The following NUP210L variants were observed in gnomAD, a reference collection of about 807,000 sequenced individuals.
NUP210L encodes nuclear pore membrane glycoprotein 210-like.
A neutral mutation model predicts 208.5 loss-of-function variants in NUP210L; 74 were observed. The ratio of observed to expected loss-of-function variants is 0.35; its 90% CI spans 0.29 to 0.43. The LOEUF is 0.43. Ranked by LOEUF, NUP210L falls within the 20% of genes least tolerant of loss-of-function variation. The pLI is 1.00. For synonymous variants in NUP210L, 780 were observed against 816.9 expected (o/e 0.95, Z 0.77); for missense variants, 1,843 against 2,289.4 (o/e 0.81, Z 3.98).
exon 15 of NUP210L, chr1:154,094,941 C>T (rs1397262475): frequency 1.9e-5 from 31 of 1,612,634 alleles, no homozygotes; most frequent in Non-Finnish European, 2.5e-5. Flanking sequence ...CTACTTGTTC[C>T]CCTAAATCCA....
intron 27 of NUP210L, among the ~76,000 whole-genome samples, chr1:154,042,389 C>T (rs772645521): frequency 2.6e-5 from 4 of 151,692 alleles, no homozygotes; most frequent in Non-Finnish European, 4.4e-5. Context: ...AGCTGTGAGC[C>T]GCCGCACCCA....
At chr1:154,087,247 G>A (rs1655672466) in intron 16 of NUP210L, among the ~76,000 whole-genome samples, 2 of 151,526 alleles carry the variant, frequency 1.3e-5, no homozygotes, top group Admixed American at 6.6e-5. Flanking sequence ...TTGAACCCGG[G>A]GGCTGGAGGT....
At chr1:154,014,965 C>T (rs1485526254) in intron 33 of NUP210L, among the ~76,000 whole-genome samples, 1 of 152,164 alleles carries the variant, frequency 6.6e-6, no homozygotes, top group Non-Finnish European at 1.5e-5. Context: ...GATTGTGCCA[C>T]TGCACTCCAG....
intron 37 of NUP210L, chr1:153,995,987 T>C (rs1022216307): frequency 6.9e-5 from 27 of 391,116 alleles, no homozygotes; most frequent in African/African-American, 5.5e-4. Flanking sequence ...GTAATAAAAA[T>C]GAGGAGACTT....
exon 13 of NUP210L, chr1:154,104,110 T>C (rs762442432): frequency 6.2e-7 from 1 of 1,614,088 alleles, no homozygotes; most frequent in Non-Finnish European, 8.5e-7. Flanking sequence ...GGTCTCTTTA[T>C]TTATGTGATA....
intron 16 of NUP210L, among the ~76,000 whole-genome samples, chr1:154,072,457 C>T (rs201110422): frequency 6.5e-4 from 99 of 151,484 alleles, no homozygotes; most frequent in Admixed American, 1.1e-3. Context: ...TTCAGCCTCC[C>T]GAGTAGCTGG....
rs145559568 is a variant in NUP210L, at chr1:154,087,382, C to T, written c.2361+2039G>A. On this transcript the variant is annotated intron_variant, in intron 16 of 39. Coordinates refer to ENST00000368559, the Ensembl canonical transcript of NUP210L. ...CAGTGGAAAATACAAATCAAAACCA[C>T]AATGAGATACCACTTTATACCCACT... Among the ~76,000 whole-genome samples the T allele has an allele frequency of 4.5e-3, 672 of 147,764 alleles. 4 individuals carry two copies. The highest frequency in any genetic ancestry group is 0.016 in the African/African-American group (634 of 40,196).
intron 29 of NUP210L, among the ~76,000 whole-genome samples, chr1:154,026,127 C>G (rs935699589): frequency 6.6e-6 from 1 of 151,528 alleles, no homozygotes; most frequent in Non-Finnish European, 1.5e-5. Flanking sequence ...CCCAGCTTCT[C>G]GGGAGGCTGA....
intron 12 of NUP210L, among the ~76,000 whole-genome samples, chr1:154,116,410 T>G (rs1657336573): frequency 3.1e-5 from 4 of 130,362 alleles, no homozygotes; most frequent in African/African-American, 5.9e-5. Flanking sequence ...GGCAACAGAG[T>G]GAGACTCCAT....
intron 25 of NUP210L, among the ~76,000 whole-genome samples, chr1:154,048,641 C>G (rs1009302625): frequency 2.6e-5 from 4 of 152,172 alleles, no homozygotes; most frequent in African/African-American, 4.8e-5. Context: ...CAATGTCTGT[C>G]CCCCACCACA....
chr1:154,074,331 T>C (rs895831963), intron 16 of NUP210L, among the ~76,000 whole-genome samples: 1 of 152,154 alleles, frequency 6.6e-6, no homozygotes, highest in African/African-American at 2.4e-5. Flanking sequence ...ATTCATTTTA[T>C]ATAAGCTGGT....
intron 13 of NUP210L, 75 bp downstream of exon 13, chr1:154,103,937 A>C (rs1656614039): frequency 1.2e-5 from 14 of 1,142,914 alleles, no homozygotes; most frequent in Non-Finnish European, 1.6e-5. Context: ...CAAAGAAAGT[A>C]ATCTGTCACA....
rs1184384023 is a variant in NUP210L at position 154,143,705 on chromosome 1, GA to G, written c.341-129del. 22 of 689,430 alleles carry G rather than the reference GA, an allele frequency of 3.2e-5. No individual in the cohort carries two copies. In the Admixed American group the frequency reaches 7.1e-4, roughly 22 times the overall value. The allele number at this position is 689,430 out of a possible 1,614,324, so 42.7% of individuals were successfully genotyped here. On this transcript the variant is annotated intron_variant, in intron 2 of 39. Coordinates refer to ENST00000368559, the Ensembl canonical transcript of NUP210L. ...ACTATGACTGCTGCTTTTACCTATG[GA>G]AGAAAATAGCATAATAATAAGATAT...
At chr1:153,996,026 C>T (rs1227697820) in intron 37 of NUP210L, 5 of 369,314 alleles carry the variant, frequency 1.4e-5, no homozygotes, top group African/African-American at 2.1e-5. Context: ...GGCGTGGTGG[C>T]TCACACCTGT....
chr1:154,006,711 T>G (rs1302981645), intron 35 of NUP210L, among the ~76,000 whole-genome samples: 1 of 150,298 alleles, frequency 6.7e-6, no homozygotes, highest in Non-Finnish European at 1.5e-5. Context: ...GCCAGGCTGG[T>G]CTCGAACTCC....
At position 154,022,208 on chromosome 1, in the gene NUP210L, T is replaced by C. The variant is rs190395941; in HGVS notation, c.4434A>G (p.Val1478=). 1,218 of 1,614,190 alleles carry C rather than the reference T, an allele frequency of 7.5e-4. 2 individuals carry two copies. Among genetic ancestry groups the C allele is most frequent in the Non-Finnish European group, 6.3e-4 (745 of 1,180,022 alleles). The stretch of plus-strand genomic sequence containing the variant: ...TGGTGTCTGGCTCAATGGCATGCTC[T>C]ACAGCAACAGGAATATAATCTGCCA... Residue 1478 remains valine (V), a synonymous_variant, in exon 32 of 40, where the codon GTA becomes GTG. Transcript: ENST00000368559.
chr1:154,001,784 A>T lies in NUP210L; in HGVS notation c.5132T>A (p.Ile1711Asn), dbSNP rs762266052. ...CACTCCCAGTACTCTTATCTCCCCG[A>T]TATCTTGTTTGTGGCTAAGAACCAA... The change falls in exon 36 of 40, where the codon ATC (isoleucine) becomes AAC (asparagine). Residue 1711 changes from isoleucine to asparagine, a missense_variant. This residue lies in a region of NUP210L where 781 missense variants were observed against 973.8 expected (regional missense o/e 0.80). Coordinates refer to ENST00000368559, the Ensembl canonical transcript of NUP210L. 3 of 1,613,930 alleles carry T rather than the reference A, an allele frequency of 1.9e-6. No individual in the cohort carries two copies. In the Admixed American group the frequency reaches 5.0e-5, roughly 27 times the overall value.
rs749755796 is a variant in NUP210L at position 154,060,645 on chromosome 1, T to C, written c.2749-4A>G. On this transcript the variant is annotated splice_region_variant and splice_polypyrimidine_tract_variant and intron_variant, in intron 19 of 39. Transcript: ENST00000368559. ...CTTCCACAAGGCTAAATGTTTCCTATGGAAAAATCAGACAAACAATATTCT... is the reference window on the plus strand; with the variant it reads ...CTTCCACAAGGCTAAATGTTTCCTACGGAAAAATCAGACAAACAATATTCT... The C allele has an allele frequency of 9.4e-6, 15 of 1,593,216 alleles. No homozygotes were observed. Among genetic ancestry groups the C allele is most frequent in the Admixed American group, 5.0e-5 (3 of 59,464 alleles).
At chr1:154,028,555 C>G (rs1414089563) in intron 28 of NUP210L, among the ~76,000 whole-genome samples, 1 of 152,026 alleles carries the variant, frequency 6.6e-6, no homozygotes, top group Non-Finnish European at 1.5e-5. Context: ...CTACTGCACT[C>G]CAGCCTAAGC....
Sources: allele counts gnomAD v4.1 joint callset (sites outside exome capture counted in the v4.1 genomes callset), GRCh38; gene constraint gnomAD v4.1.1; regional missense constraint gnomAD v4.1.1; transcripts MANE v1.5; gene names NCBI Gene and HGNC (gene_info 2026-07-23, HGNC 2026-07-21).